The following DRICH1 variants were observed in gnomAD, a reference collection of about 807,000 sequenced individuals.
The protein encoded by DRICH1 is aspartate-rich protein 1.
In DRICH1, 38 loss-of-function variants were observed where a neutral mutation model predicts 39.5. That is an observed-to-expected ratio of 0.96 (90% CI 0.74 to 1.26). The LOEUF (loss-of-function observed/expected upper bound fraction) is 1.26, where lower values mean the gene tolerates loss of function less well. Ranked by LOEUF, DRICH1 falls within the 50% of genes most tolerant of loss-of-function variation. The pLI is 0.00. For missense variants in DRICH1, 279 were observed against 270.4 expected (o/e 1.03, Z -0.22); for synonymous variants, 84 against 99.5 (o/e 0.84, Z 0.93).
At chr22:23,599,704 C>T in the DRICH1 span, among the ~76,000 whole-genome samples, 6 of 152,290 alleles carry the variant, frequency 3.9e-5, 1 homozygote, top group East Asian at 1.2e-3. Flanking sequence ...TCCCTCTGCC[C>T]TCCAGCCCTG....
At chr22:23,585,886 A>T in the DRICH1 span, among the ~76,000 whole-genome samples, 16 of 152,314 alleles carry the variant, frequency 1.1e-4, no homozygotes, top group South Asian at 3.3e-3. Flanking sequence ...GAATAATTTC[A>T]ATTCTTTCAA....
chr22:23,616,884 G>A lies in DRICH1; in HGVS notation c.520-10C>T, dbSNP rs765123401. On this transcript the variant is annotated splice_polypyrimidine_tract_variant and intron_variant, in intron 7 of 11. Coordinates refer to ENST00000317749, the MANE Select transcript of DRICH1 (RefSeq NM_016449.4). The stretch of plus-strand genomic sequence containing the variant: ...CAGGTGACGGTAAAATCTGCAATGA[G>A]ATAAAAGAAGATGCTGTAAGGATCA... The A allele has an allele frequency of 2.5e-6, 4 of 1,613,896 alleles. No homozygotes were observed. In the Admixed American group the frequency reaches 5.0e-5, roughly 20 times the overall value.
chr22:23,609,544 GCACCCC>G (rs1417554139), intron 11 of DRICH1, among the ~76,000 whole-genome samples: 1 of 152,080 alleles, frequency 6.6e-6, no homozygotes, highest in Non-Finnish European at 1.5e-5. Flanking sequence ...AGTCTACAGA[GCACCCC>G]CTGACCAGGG....
At chr22:23,620,773 T>C (rs556117105) in intron 4 of DRICH1, among the ~76,000 whole-genome samples, 158 bp from the exon 5 acceptor site, 2 of 144,644 alleles carry the variant, frequency 1.4e-5, no homozygotes, top group Middle Eastern at 3.6e-3. Flanking sequence ...AGAACACCTG[T>C]GGAAAAGACA....
intron 8 of DRICH1, among the ~76,000 whole-genome samples, chr22:23,615,601 C>T (rs1007878733): frequency 5.3e-5 from 8 of 152,188 alleles, no homozygotes; most frequent in African/African-American, 1.7e-4. Flanking sequence ...GATCTACAGA[C>T]TCACAAGAAC....
chr22:23,610,739 G>A (rs982976820), intron 11 of DRICH1, among the ~76,000 whole-genome samples: 55 of 151,848 alleles, frequency 3.6e-4, no homozygotes, highest in African/African-American at 1.3e-3. Context: ...CTTAAAAGCA[G>A]TTTATTCCAC....
intron 11 of DRICH1, among the ~76,000 whole-genome samples, chr22:23,613,033 T>A (rs1464123326): frequency 7.2e-5 from 11 of 152,162 alleles, no homozygotes; most frequent in African/African-American, 2.7e-4. Context: ...GGCTATGATG[T>A]TCCACAGGGC....
At chr22:23,582,457 G>C in the DRICH1 span, among the ~76,000 whole-genome samples, 816 of 151,766 alleles carry the variant, frequency 5.4e-3, 8 homozygotes, top group African/African-American at 0.019. Flanking sequence ...CTATATTTGG[G>C]TACTCTGGAT....
chr22:23,606,385 C>T (rs916838005), downstream of DRICH1, among the ~76,000 whole-genome samples: 8 of 152,266 alleles, frequency 5.3e-5, no homozygotes, highest in East Asian at 3.9e-4. Context: ...TACCTGTACC[C>T]GAGCTGTGCC....
chr22:23,628,913 T>A (rs1055481068), intron 1 of DRICH1, among the ~76,000 whole-genome samples: 2 of 152,218 alleles, frequency 1.3e-5, no homozygotes, highest in African/African-American at 4.8e-5. Context: ...TTTAGGATGA[T>A]GTCCATGCCA....
intron 1 of DRICH1, 136 bp downstream of exon 1, chr22:23,631,680 G>GC (rs3833378): frequency 0.61 from 463,775 of 763,144 alleles, 144,018 homozygotes; most frequent in African/African-American, 0.84. Context: ...TGTCCCCCAT[G>GC]CCCAGACCTG....
At chr22:23,587,889 C>A in the DRICH1 span, among the ~76,000 whole-genome samples, 1 of 152,300 alleles carries the variant, frequency 6.6e-6, no homozygotes, top group South Asian at 2.1e-4. Context: ...TAGCAAGATT[C>A]CTGCTAAGTG....
At chr22:23,625,347 G>A (rs1927996723) in intron 2 of DRICH1, among the ~76,000 whole-genome samples, 1 of 152,030 alleles carries the variant, frequency 6.6e-6, no homozygotes, top group African/African-American at 2.4e-5. Flanking sequence ...ATCAGGTGAA[G>A]GAAATAATGT....
intron 3 of DRICH1, 105 bp from the exon 4 acceptor site, chr22:23,622,281 ATGG>A: frequency 1.0e-6 from 1 of 1,002,748 alleles, no homozygotes; most frequent in South Asian, 1.3e-5. Flanking sequence ...ATTAACAAGC[ATGG>A]ACTGAGTTAA....
intron 8 of DRICH1, among the ~76,000 whole-genome samples, chr22:23,615,202 C>T (rs1330261494): frequency 3.9e-5 from 6 of 152,014 alleles, no homozygotes; most frequent in Non-Finnish European, 7.4e-5. Flanking sequence ...GGTAAAACCC[C>T]GTCTCTACTA....
intron 11 of DRICH1, among the ~76,000 whole-genome samples, chr22:23,611,260 G>A (rs945695165): frequency 6.6e-6 from 1 of 152,300 alleles, no homozygotes; most frequent in East Asian, 1.9e-4. Flanking sequence ...TTACTTAACT[G>A]AGACCCACAT....
the DRICH1 span, among the ~76,000 whole-genome samples, chr22:23,592,881 A>ACAC: frequency 3.2e-5 from 4 of 126,768 alleles, no homozygotes; most frequent in Admixed American, 7.8e-5. Context: ...CACACACACA[A>ACAC]AATTAGCTGG....
chr22:23,632,213 G>A lies in DRICH1; in HGVS notation c.-190C>T. The A allele has an allele frequency of 1.1e-6, 1 of 907,268 alleles. No homozygotes were observed. The highest frequency in any genetic ancestry group is 1.6e-6 in the Non-Finnish European group (1 of 618,158). 56.2% of individuals were successfully genotyped at this position (907,268 alleles called of 1,614,324 possible). A position where few individuals can be genotyped will look rare whatever the true frequency, so the allele number is the denominator to read the frequency against. On this transcript the variant is annotated 5_prime_UTR_variant, in exon 1 of 12. Coordinates refer to ENST00000317749, the MANE Select transcript of DRICH1 (RefSeq NM_016449.4). ...AGCTGGTCTATGAGGTCAGGGACCT[G>A]CTGTCTTCTTTGAAAAATAAACGAA...
the DRICH1 span, among the ~76,000 whole-genome samples, chr22:23,582,158 TAGTAG>T: frequency 6.6e-6 from 1 of 150,880 alleles, no homozygotes; most frequent in Non-Finnish European, 1.5e-5. Flanking sequence ...TTTGTATTAT[TAGTAG>T]AGATGGGGTT....
Sources: gnomAD v4.1 joint callset for allele counts (sites outside exome capture counted in the v4.1 genomes callset) on GRCh38, gnomAD v4.1.1 for gene constraint, MANE v1.5 for transcripts, NCBI Gene and HGNC (gene_info 2026-07-23, HGNC 2026-07-21) for gene names.